VPS39: variants seen among roughly 807,000 people sequenced by gnomAD.
VPS39 encodes VPS39 subunit of HOPS complex.
A neutral mutation model predicts 121.0 loss-of-function variants in VPS39; 70 were observed. The observed-to-expected ratio is 0.58, with a 90% CI of 0.48 to 0.71. The LOEUF (loss-of-function observed/expected upper bound fraction) is 0.71, where lower values mean the gene tolerates loss of function less well. VPS39 is among the 30% of genes least tolerant of loss of function. The pLI, the probability that VPS39 is intolerant of heterozygous loss-of-function variation, is 0.00. For missense variants in VPS39, 818 were observed against 1,051.5 expected (o/e 0.78, Z 3.07); for synonymous variants, 378 against 398.1 (o/e 0.95, Z 0.60).
At chr15:42,184,479 A>T in intron 8 of VPS39, 38 bp downstream of exon 8, 1 of 1,556,050 alleles carries the variant, frequency 6.4e-7, no homozygotes, top group South Asian at 1.2e-5. Context: ...ACACAACCTC[A>T]ACCCAAAGTG....
chr15:42,197,779 C>T (rs2049974422), intron 2 of VPS39, among the ~76,000 whole-genome samples: 2 of 152,076 alleles, frequency 1.3e-5, no homozygotes, highest in Non-Finnish European at 2.9e-5. Context: ...TTATCCCCTC[C>T]CTTTCCTCAG....
At position 42,208,263 on chromosome 15, in the gene VPS39, C is replaced by T; in HGVS notation, c.-110G>A. The stretch of plus-strand genomic sequence containing the variant: ...TAGACCGGGATCCGGCCAGGAACCC[C>T]CCGGCTACAGGCCCTTCAACAACAC... On this transcript the variant is annotated 5_prime_UTR_variant, in exon 1 of 25. Coordinates refer to ENST00000318006, the MANE Select transcript of VPS39 (RefSeq NM_015289.5). 1.4e-6 allele frequency: 2 copies of T among 1,408,074 alleles called. No homozygotes were observed. The highest frequency in any genetic ancestry group is 1.3e-5 in the South Asian group (1 of 77,978). The allele number at this position is 1,408,074 out of a possible 1,614,324, so 87.2% of individuals were successfully genotyped here.
In VPS39 at chr15:42,178,509, T is replaced by G; in HGVS notation, c.780A>C (p.Glu260Asp). 1 of 1,614,144 alleles carries G rather than the reference T, an allele frequency of 6.2e-7. No homozygotes were observed. The highest frequency in any genetic ancestry group is 8.5e-7 in the Non-Finnish European group (1 of 1,180,026). The change falls in exon 9 of 25, where the codon GAA (glutamate) becomes GAC (aspartate). Residue 260 changes from glutamate (E) to aspartate (D), a missense_variant. Glu to Asp is a conservative substitution (Grantham distance 45, BLOSUM62 2). Coordinates refer to ENST00000318006, the MANE Select transcript of VPS39 (RefSeq NM_015289.5). ...LPRYVEIRTFEPRLLVQSIEL... is the reference protein window; with the variant it reads ...LPRYVEIRTFDPRLLVQSIEL... ...CAATGCTTTGGACCAGAAGCCTCGG[T>G]TCAAATGTTCGGATCTCAACATATC... is the stretch of plus-strand genomic sequence containing the variant.
intron 13 of VPS39, 64 bp from the exon 14 acceptor site, chr15:42,166,977 A>C: frequency 6.2e-7 from 1 of 1,604,046 alleles, no homozygotes; most frequent in Non-Finnish European, 8.5e-7. Flanking sequence ...TCCCTGGCCC[A>C]GGCCTGCTCT....
Position 42,199,904 on chromosome 15 carries a change from T to C in VPS39, c.131A>G (p.Lys44Arg). The part of the protein sequence containing the change: ...QGHLLLYRIR[K>R]DVGCNRFEVT... The stretch of plus-strand genomic sequence containing the variant: ...GAGCAATGTGCACTTACCAACGTCC[T>C]TCCGAATCCTATAGAGAAGAAGATG... The change falls in exon 2 of 25, where the codon AAG (lysine) becomes AGG (arginine). Residue 44 changes from lysine to arginine, a missense_variant. Physicochemically the swap from Lys to Arg is conservative, Grantham distance 26. Coordinates refer to ENST00000318006, the MANE Select transcript of VPS39 (RefSeq NM_015289.5). 2 of 1,593,242 alleles carry C rather than the reference T, an allele frequency of 1.3e-6. No homozygotes were observed. The highest frequency in any genetic ancestry group is 1.7e-6 in the Non-Finnish European group (2 of 1,173,628).
Position 42,166,438 on chromosome 15 carries a change from AG to A in VPS39, c.1606+124del. 3.3e-6 allele frequency: 4 copies of A among 1,225,072 alleles called. No individual in the cohort carries two copies. In the Admixed American group the frequency reaches 8.4e-5, roughly 26 times the overall value. The allele number at this position is 1,225,072 out of a possible 1,614,324, so 75.9% of individuals were successfully genotyped here. ...ACCGAGGGACTTTTATGCCATTTGG[AG>A]GAATGAAATTGAGTGAACACGAGCA... On this transcript the variant is annotated intron_variant, in intron 15 of 24. Transcript: ENST00000318006.
chr15:42,161,788 G>A lies in VPS39; in HGVS notation c.2461-15C>T, dbSNP rs1203836245. 3.7e-6 allele frequency: 6 copies of A among 1,613,528 alleles called. No homozygotes were observed. The African/African-American group carries it at 4.0e-5, about 11-fold the overall frequency. On this transcript the variant is annotated splice_polypyrimidine_tract_variant and intron_variant, in intron 23 of 24. Transcript: ENST00000318006. ...TCTTCCTGGACCTGGAAGAACAGGG[G>A]GATTGAGGAAGAAGTTCTACAGTGT...
Position 42,166,872 on chromosome 15 carries a change from G to T in VPS39, c.1419C>A (p.Asn473Lys), listed in dbSNP as rs1431629072. 6.2e-7 allele frequency: 1 copy of T among 1,614,106 alleles called. No homozygotes were observed. The highest frequency in any genetic ancestry group is 8.5e-7 in the Non-Finnish European group (1 of 1,180,046). The part of the protein sequence containing the change: ...ALVAPLLRLE[N>K]NHCHIEESEH... Reference sequence around the variant, plus strand: ...CGCTCTCCTCGATGTGGCAGTGATTGTTCTCCAGGCGTAGCAAGGGGGCCA... The same window carrying T: ...CGCTCTCCTCGATGTGGCAGTGATTTTTCTCCAGGCGTAGCAAGGGGGCCA... Residue 473 changes from asparagine to lysine, a missense_variant, in exon 14 of 25, where the codon AAC becomes AAA. Asn to Lys is a moderately conservative substitution (Grantham distance 94). Transcript: ENST00000318006.
At chr15:42,171,111 T>G (rs1595650117) in intron 11 of VPS39, among the ~76,000 whole-genome samples, 1 of 152,170 alleles carries the variant, frequency 6.6e-6, no homozygotes, top group Non-Finnish European at 1.5e-5. Flanking sequence ...TTATATAATT[T>G]ACAGTGCATC....
chr15:42,166,418 G>A (rs2049243380), intron 15 of VPS39, 145 bp downstream of exon 15: 1 of 1,154,244 alleles, frequency 8.7e-7, no homozygotes, highest in South Asian at 1.5e-5. Flanking sequence ...CAACCACCGA[G>A]GGACTTTTAT....
chr15:42,164,897 G>C, intron 18 of VPS39, 99 bp downstream of exon 18: 1 of 1,544,826 alleles, frequency 6.5e-7, no homozygotes, highest in Non-Finnish European at 8.7e-7. Context: ...CACCTGGGCA[G>C]AGAATAGGGT....
chr15:42,183,667 C>G (rs1225024500), intron 8 of VPS39, among the ~76,000 whole-genome samples: 1 of 152,206 alleles, frequency 6.6e-6, no homozygotes, highest in African/African-American at 2.4e-5. Context: ...GTCCATAGTT[C>G]AGTCTTACCT....
At chr15:42,202,156 C>T (rs1470867050) in intron 1 of VPS39, among the ~76,000 whole-genome samples, 1 of 152,134 alleles carries the variant, frequency 6.6e-6, no homozygotes, top group Non-Finnish European at 1.5e-5. Flanking sequence ...GGGTGTCAGC[C>T]AAAGGTTGTC....
At chr15:42,203,460 C>T (rs112931243) in intron 1 of VPS39, among the ~76,000 whole-genome samples, 8,938 of 142,022 alleles carry the variant, frequency 0.063, 370 homozygotes, top group South Asian at 0.17. Flanking sequence ...GGTGACGGGG[C>T]AGGACTCTGT....
At chr15:42,204,830 C>G (rs1007952454) in intron 1 of VPS39, among the ~76,000 whole-genome samples, 1 of 152,008 alleles carries the variant, frequency 6.6e-6, no homozygotes, top group African/African-American at 2.4e-5. Context: ...TTTGACTTAT[C>G]TTTCCATTGT....
intron 18 of VPS39, 93 bp from the exon 19 acceptor site, chr15:42,164,579 TCAC>T: frequency 2.6e-6 from 4 of 1,528,676 alleles, no homozygotes; most frequent in South Asian, 2.5e-5. Context: ...TTCAAGGATG[TCAC>T]CACATGACCA....
chr15:42,206,780 T>C (rs1210539145), intron 1 of VPS39, among the ~76,000 whole-genome samples: 1 of 152,226 alleles, frequency 6.6e-6, no homozygotes, highest in Non-Finnish European at 1.5e-5. Flanking sequence ...ATTGTATTAC[T>C]GTCCCAAGCA....
intron 10 of VPS39, among the ~76,000 whole-genome samples, chr15:42,176,427 T>C (rs1255794742): frequency 6.6e-6 from 1 of 151,970 alleles, no homozygotes; most frequent in Non-Finnish European, 1.5e-5. Flanking sequence ...TCATGATAAA[T>C]ACAAAATTTA....
chr15:42,178,149 A>G, intron 10 of VPS39, 69 bp downstream of exon 10: 1 of 1,600,316 alleles, frequency 6.2e-7, no homozygotes, highest in South Asian at 1.1e-5. Flanking sequence ...ATAAATATGA[A>G]CATTGAAACC....
Sources: allele counts gnomAD v4.1 joint callset (sites outside exome capture counted in the v4.1 genomes callset), GRCh38; gene constraint gnomAD v4.1.1; transcripts MANE v1.5; gene names NCBI Gene and HGNC (gene_info 2026-07-23, HGNC 2026-07-21).